FAM107B: variants seen among roughly 807,000 people sequenced by gnomAD.
FAM107B encodes family with sequence similarity 107 member B, also known as protein FAM107B.
In FAM107B, 21 loss-of-function variants were observed where a neutral mutation model predicts 31.5. The ratio of observed to expected loss-of-function variants is 0.67; its 90% CI spans 0.47 to 0.96. The LOEUF is 0.96. Among genes scored for constraint, FAM107B ranks in the 40% least tolerant of loss-of-function variants. The pLI, the probability that FAM107B is intolerant of heterozygous loss-of-function variation, is 0.00. For synonymous variants in FAM107B, 157 were observed against 141.5 expected, an observed-to-expected ratio of 1.11 and a Z score of -0.78; for missense variants, 452 against 377.1, an observed-to-expected ratio of 1.20 and a Z score of -1.64.
chr10:14,626,119 G>C (rs564587066), intron 2 of FAM107B, among the ~76,000 whole-genome samples: 165 of 152,238 alleles, frequency 1.1e-3, no homozygotes, highest in Admixed American at 2.5e-3. Flanking sequence ...GGAGAGAAAA[G>C]CCATCTTCTC....
chr10:14,681,283 T>C (rs1481119826), intron 1 of FAM107B, among the ~76,000 whole-genome samples: 1 of 152,182 alleles, frequency 6.6e-6, no homozygotes, highest in East Asian at 1.9e-4. Context: ...TAGTACACAC[T>C]GAAGTTTGAG....
chr10:14,539,959 C>T (rs1413489139), intron 2 of FAM107B, among the ~76,000 whole-genome samples: 1 of 152,184 alleles, frequency 6.6e-6, no homozygotes, highest in Non-Finnish European at 1.5e-5. Context: ...TAGGTTCAGC[C>T]AACAGCAGCA....
At chr10:14,730,591 T>G (rs966684505) in intron 1 of FAM107B, among the ~76,000 whole-genome samples, 6 of 152,222 alleles carry the variant, frequency 3.9e-5, no homozygotes, top group Non-Finnish European at 4.4e-5. Context: ...TGTTGAAGAT[T>G]TGCAGAGTCC....
At chr10:14,525,255 T>C (rs11259153) in intron 3 of FAM107B, among the ~76,000 whole-genome samples, 40,628 of 152,126 alleles carry the variant, frequency 0.27, 6,001 homozygotes, top group Middle Eastern at 0.34. Context: ...TTCTGACATA[T>C]ACAGCTAACA....
chr10:14,528,137 G>T, intron 3 of FAM107B: 1 of 193,652 alleles, frequency 5.2e-6, no homozygotes, highest in South Asian at 5.7e-5. Flanking sequence ...ATTATGTTAA[G>T]CATTTTCATA....
rs141919566 is a variant in FAM107B, at chr10:14,729,550, G to A, written c.411+44703C>T. On this transcript the variant is annotated intron_variant, in intron 1 of 4. Transcript: ENST00000181796. ...GGGAGGGATCAACACAGTGGCATAG[G>A]AAGTAAAAAGAGTCATAGGATCAGG... is the stretch of plus-strand genomic sequence containing the variant. Among the ~76,000 whole-genome samples the A allele has an allele frequency of 6.4e-3, 974 of 152,228 alleles. 4 individuals are homozygous for A. The highest frequency in any genetic ancestry group is 8.4e-3 in the Non-Finnish European group (569 of 68,012).
intron 1 of FAM107B, among the ~76,000 whole-genome samples, chr10:14,762,797 CACACAA>C (rs1226626473): frequency 4.8e-5 from 7 of 145,012 alleles, no homozygotes; most frequent in African/African-American, 1.1e-4. Flanking sequence ...CACACACACA[CACACAA>C]AAAGAACATG....
intron 1 of FAM107B, among the ~76,000 whole-genome samples, chr10:14,709,278 G>C (rs901066779): frequency 1.3e-4 from 20 of 152,182 alleles, no homozygotes; most frequent in Non-Finnish European, 1.5e-5. Flanking sequence ...ACAATGGCTT[G>C]TATTAGTCCA....
intron 1 of FAM107B, among the ~76,000 whole-genome samples, chr10:14,770,115 T>C (rs11816226): frequency 0.15 from 22,599 of 152,090 alleles, 4,223 homozygotes; most frequent in African/African-American, 0.44. Context: ...GTTTACCCAA[T>C]GGAACTTCCC....
intron 1 of FAM107B, among the ~76,000 whole-genome samples, chr10:14,772,150 C>T (rs760771562): frequency 3.3e-5 from 5 of 151,966 alleles, no homozygotes; most frequent in South Asian, 2.1e-4. Context: ...GACAGGAGAT[C>T]GAGACCATCC....
At chr10:14,704,125 A>C (rs1855468190) in intron 1 of FAM107B, among the ~76,000 whole-genome samples, 1 of 152,172 alleles carries the variant, frequency 6.6e-6, no homozygotes, top group Non-Finnish European at 1.5e-5. Flanking sequence ...CTGACAGTAC[A>C]TCCAGGTGGT....
chr10:14,606,564 T>G lies in FAM107B; in HGVS notation c.469+61070A>C, dbSNP rs571078986. Among the ~76,000 whole-genome samples, 6 of 152,308 alleles carry G rather than the reference T, an allele frequency of 3.9e-5. No homozygotes were observed. In the South Asian group the frequency reaches 1.2e-3, roughly 32 times the overall value. ...GCCCTAACCTCCAATGTGACTGTAT[T>G]TGGAGACAGGACCTATAGGGAGGTA... is the stretch of plus-strand genomic sequence containing the variant. On this transcript the variant is annotated intron_variant, in intron 2 of 4. Coordinates refer to ENST00000181796, the MANE Select transcript of FAM107B (RefSeq NM_031453.4).
At chr10:14,766,115 A>T (rs886605374) in intron 1 of FAM107B, among the ~76,000 whole-genome samples, 5 of 152,340 alleles carry the variant, frequency 3.3e-5, no homozygotes, top group Middle Eastern at 3.4e-3. Context: ...AGAGGTGAAC[A>T]AGAGTTCCAA....
chr10:14,733,241 C>T (rs1191756392), intron 1 of FAM107B, among the ~76,000 whole-genome samples: 2 of 151,946 alleles, frequency 1.3e-5, no homozygotes, highest in Non-Finnish European at 2.9e-5. Flanking sequence ...AGCTATAGTA[C>T]ATGCAATCAA....
chr10:14,567,250 T>C (rs538207862), intron 2 of FAM107B, among the ~76,000 whole-genome samples: 2 of 152,268 alleles, frequency 1.3e-5, no homozygotes, highest in Admixed American at 1.3e-4. Context: ...GATTCCTCTT[T>C]CACTATAAAC....
chr10:14,596,186 C>G (rs1165424828), intron 2 of FAM107B, among the ~76,000 whole-genome samples: 4 of 152,200 alleles, frequency 2.6e-5, no homozygotes, highest in Non-Finnish European at 5.9e-5. Context: ...CCTTGCCTCA[C>G]TCAGATCTCA....
chr10:14,629,984 A>T (rs958266094), intron 2 of FAM107B, among the ~76,000 whole-genome samples: 1 of 152,170 alleles, frequency 6.6e-6, no homozygotes, highest in Non-Finnish European at 1.5e-5. Context: ...ATGAAAATGG[A>T]TATATCTTTT....
At chr10:14,690,575 C>A (rs1297744648) in intron 1 of FAM107B, among the ~76,000 whole-genome samples, 1 of 152,074 alleles carries the variant, frequency 6.6e-6, no homozygotes, top group Non-Finnish European at 1.5e-5. Flanking sequence ...TGTTCAGCCT[C>A]CCGAGTAGCT....
At chr10:14,748,073 AG>A (rs1794736222) in intron 1 of FAM107B, among the ~76,000 whole-genome samples, 1 of 152,218 alleles carries the variant, frequency 6.6e-6, no homozygotes, top group Admixed American at 6.5e-5. Flanking sequence ...TCCTCTGATG[AG>A]GTGGCTCAGT....
Sources: gnomAD v4.1 joint callset for allele counts (sites outside exome capture counted in the v4.1 genomes callset) on GRCh38, gnomAD v4.1.1 for gene constraint, MANE v1.5 for transcripts, NCBI Gene and HGNC (gene_info 2026-07-23, HGNC 2026-07-21) for gene names.